The following NUDT19 variants were observed in gnomAD, a reference collection of about 807,000 sequenced individuals.
NUDT19 encodes acyl-coenzyme A diphosphatase NUDT19.
Under a neutral mutation model 22.2 loss-of-function variants are expected in NUDT19, and 31 were observed. The observed-to-expected ratio is 1.40, with a 90% CI of 1.05 to 1.89. The LOEUF is 1.89. Ranked by LOEUF, NUDT19 falls within the 40% of genes most tolerant of loss-of-function variation. The pLI is 0.00. For missense variants in NUDT19, 752 were observed against 514.2 expected, an observed-to-expected ratio of 1.46 and a Z score of -4.47; for synonymous variants, 325 against 230.8, an observed-to-expected ratio of 1.41 and a Z score of -3.70.
chr19:32,692,767 G>C lies in NUDT19; in HGVS notation c.714+93G>C, dbSNP rs564192770. 61 of 921,042 alleles carry C rather than the reference G, an allele frequency of 6.6e-5. No homozygotes were observed. The African/African-American group carries it at 9.0e-4, about 14-fold the overall frequency. 57.1% of individuals were successfully genotyped at this position (921,042 alleles called of 1,614,324 possible). ...CAGGCCCCCAAGGGACCCCCGCATAGGCCAAGCCCAGAGAGATTAAGCAGC... is the reference window on the plus strand; with the variant it reads ...CAGGCCCCCAAGGGACCCCCGCATACGCCAAGCCCAGAGAGATTAAGCAGC... On this transcript the variant is annotated intron_variant, in intron 1 of 2. Coordinates refer to ENST00000397061, the MANE Select transcript of NUDT19 (RefSeq NM_001105570.2).
Position 32,711,905 on chromosome 19 carries a change from A to C in NUDT19, c.1076A>C (p.Lys359Thr). Residue 359 changes from lysine to threonine, a missense_variant, in exon 3 of 3, where the codon AAG becomes ACG. Lys to Thr is a moderately conservative substitution (Grantham distance 78, BLOSUM62 -1). Transcript: ENST00000397061. Reference sequence around the variant, plus strand: ...GATATCCACGTGACTGTTCAGCCAAAGTATAAACACGTTTATCCTAAGAAC... The same window carrying C: ...GATATCCACGTGACTGTTCAGCCAACGTATAAACACGTTTATCCTAAGAAC... Reference protein sequence around the residue: ...LYDIHVTVQPKYKHVYPKNSV... With the variant: ...LYDIHVTVQPTYKHVYPKNSV... The C allele has an allele frequency of 6.2e-7, 1 of 1,614,098 alleles. No homozygotes were observed. Among genetic ancestry groups the C allele is most frequent in the Non-Finnish European group, 8.5e-7 (1 of 1,179,994 alleles).
chr19:32,703,401 T>G (rs1313495714), intron 1 of NUDT19, among the ~76,000 whole-genome samples: 1 of 152,126 alleles, frequency 6.6e-6, no homozygotes, highest in Non-Finnish European at 1.5e-5. Context: ...CAGGCTGCAG[T>G]GCAATGGTGC....
At chr19:32,694,747 G>A (rs1168999439) in intron 1 of NUDT19, among the ~76,000 whole-genome samples, 21 of 152,250 alleles carry the variant, frequency 1.4e-4, no homozygotes, top group Admixed American at 1.1e-3. Flanking sequence ...ATAAGACCTC[G>A]TTCAGTCCAT....
At chr19:32,711,691 T>C (rs1036161639) in intron 2 of NUDT19, 61 bp from the exon 3 acceptor site, 2 of 942,232 alleles carry the variant, frequency 2.1e-6, no homozygotes, top group Non-Finnish European at 1.6e-6. Flanking sequence ...TTTTATACTT[T>C]CTGCCATGGT....
chr19:32,708,471 T>C (rs1303091527), intron 1 of NUDT19, among the ~76,000 whole-genome samples: 1 of 151,924 alleles, frequency 6.6e-6, no homozygotes, highest in African/African-American at 2.4e-5. Flanking sequence ...TCCATATCCA[T>C]TGAATCAGCT....
rs768160874 is a variant in NUDT19 at position 32,692,136 on chromosome 19, C to T, written c.176C>T (p.Ala59Val). 4.0e-6 allele frequency: 6 copies of T among 1,484,330 alleles called. No homozygotes were observed. In the African/African-American group the frequency reaches 4.4e-5, roughly 11 times the overall value. The allele number at this position is 1,484,330 out of a possible 1,614,324, so 91.9% of individuals were successfully genotyped here. Residue 59 changes from alanine (A) to valine (V), a missense_variant, in exon 1 of 3, where the codon GCG (alanine) becomes GTG (valine). By Grantham distance (64) the Ala-to-Val change is moderately conservative. Coordinates refer to ENST00000397061, the MANE Select transcript of NUDT19 (RefSeq NM_001105570.2). ...RSPHQGFMPGAHVFSGGVLDA... is the reference protein window; with the variant it reads ...RSPHQGFMPGVHVFSGGVLDA... ...CCGCACCAAGGCTTCATGCCGGGCG[C>T]GCACGTCTTCTCCGGCGGAGTGCTG...
chr19:32,692,082 G>A lies in NUDT19; in HGVS notation c.122G>A (p.Gly41Asp). ...TPPSRPPPAEGFRLLLLQRSP... is the reference protein window; with the variant it reads ...TPPSRPPPAEDFRLLLLQRSP... ...CCGTCGCGCCCGCCGCCGGCCGAGG[G>A]CTTCCGGCTGCTGCTGCTGCAGCGC... Residue 41 changes from glycine (G) to aspartate (D), a missense_variant, in exon 1 of 3, where the codon GGC (glycine) becomes GAC (aspartate). Transcript: ENST00000397061. 3 of 1,339,744 alleles carry A rather than the reference G, an allele frequency of 2.2e-6. No individual in the cohort carries two copies. In the South Asian group the frequency reaches 5.9e-5, roughly 26 times the overall value. 83.0% of individuals were successfully genotyped at this position (1,339,744 alleles called of 1,614,324 possible).
intron 1 of NUDT19, among the ~76,000 whole-genome samples, chr19:32,698,348 G>T (rs149305847): frequency 0.017 from 2,517 of 152,216 alleles, 62 homozygotes; most frequent in African/African-American, 0.058. Flanking sequence ...GGTCCCAGTG[G>T]CTTAGGATGC....
chr19:32,709,204 C>A lies in NUDT19; in HGVS notation c.734C>A (p.Ala245Glu), dbSNP rs750429971. The A allele has an allele frequency of 1.4e-5, 22 of 1,612,928 alleles. No individual in the cohort carries two copies. In the East Asian group the frequency reaches 4.2e-4, roughly 31 times the overall value. The change falls in exon 2 of 3, where the codon GCA becomes GAA. Residue 245 changes from alanine to glutamate, a missense_variant. Coordinates refer to ENST00000397061, the MANE Select transcript of NUDT19 (RefSeq NM_001105570.2). ...TCACAGTGGTCATCTCCATCAGAGG[C>A]AACTGAAAGTTTCTTATCAAAAGAA... ...VGYQWSSPSE[A>E]TESFLSKEIW...
intron 1 of NUDT19, among the ~76,000 whole-genome samples, chr19:32,698,953 C>T (rs1315351410): frequency 6.6e-6 from 1 of 152,168 alleles, no homozygotes; most frequent in Non-Finnish European, 1.5e-5. Context: ...GGGAAGGGAT[C>T]TCCAGAGTTG....
At position 32,710,099 on chromosome 19, in the gene NUDT19, C is replaced by T. The variant is rs112813699; in HGVS notation, c.922+707C>T. On this transcript the variant is annotated intron_variant, in intron 2 of 2. Transcript: ENST00000397061. ...CAATCTGGGCTCACTGCAACCTTTGCCTCCTGGGTTCAAGCGATACTTCTG... is the reference window on the plus strand; with the variant it reads ...CAATCTGGGCTCACTGCAACCTTTGTCTCCTGGGTTCAAGCGATACTTCTG... Among the ~76,000 whole-genome samples, 23 of 151,976 alleles carry T rather than the reference C, an allele frequency of 1.5e-4. 1 individual carries two copies. The highest frequency in any genetic ancestry group is 5.3e-4 in the African/African-American group (22 of 41,440).
chr19:32,711,147 G>T (rs1048413024), intron 2 of NUDT19, among the ~76,000 whole-genome samples: 1 of 151,894 alleles, frequency 6.6e-6, no homozygotes, highest in Non-Finnish European at 1.5e-5. Flanking sequence ...TCTTGGCTGG[G>T]GTGTTGTAAG....
rs780901263 is a variant in NUDT19 at position 32,692,308 on chromosome 19, G to A, written c.348G>A (p.Gly116=). ...ATGACCACAAGACCGACAACACTGGGACGCTGCCTGAGGACGTAGCCTTCC... is the reference window on the plus strand; with the variant it reads ...ATGACCACAAGACCGACAACACTGGAACGCTGCCTGAGGACGTAGCCTTCC... ...DTDDHKTDNT[G]TLPEDVAFRI... Residue 116 remains glycine, a synonymous_variant, in exon 1 of 3, where the codon GGG becomes GGA. Coordinates refer to ENST00000397061, the MANE Select transcript of NUDT19 (RefSeq NM_001105570.2). 1 of 1,593,078 alleles carries A rather than the reference G, an allele frequency of 6.3e-7. No homozygotes were observed. Among genetic ancestry groups the A allele is most frequent in the Non-Finnish European group, 8.5e-7 (1 of 1,177,720 alleles).
chr19:32,697,325 T>G (rs1238330912), intron 1 of NUDT19, among the ~76,000 whole-genome samples: 1 of 152,184 alleles, frequency 6.6e-6, no homozygotes, highest in Non-Finnish European at 1.5e-5. Flanking sequence ...TCTCCTGATA[T>G]CCACAGATGA....
intron 2 of NUDT19, 77 bp from the exon 3 acceptor site, chr19:32,711,675 T>G: frequency 1.2e-6 from 1 of 803,642 alleles, no homozygotes; most frequent in Non-Finnish European, 2.0e-6. Flanking sequence ...CTCGATGGAA[T>G]TAAAATTTTA....
At chr19:32,707,895 A>G (rs1032938311) in intron 1 of NUDT19, among the ~76,000 whole-genome samples, 14 of 150,542 alleles carry the variant, frequency 9.3e-5, no homozygotes, top group Admixed American at 6.6e-4. Context: ...GGAGAATGGC[A>G]TGAACCCAGG....
In NUDT19 at chr19:32,692,224, C is replaced by T. The variant is rs1968194642; in HGVS notation, c.264C>T (p.Arg88=). The T allele has an allele frequency of 1.3e-6, 2 of 1,585,282 alleles. No homozygotes were observed. The highest frequency in any genetic ancestry group is 8.5e-7 in the Non-Finnish European group (1 of 1,174,538). Residue 88 remains arginine, a synonymous_variant, in exon 1 of 3, where the codon CGC becomes CGT. Transcript: ENST00000397061. ...GLFAPHHGPP[R]FGLGPAPFSR... ...TCGCGCCGCACCACGGGCCGCCGCG[C>T]TTCGGCCTGGGCCCGGCGCCATTCA...
chr19:32,696,347 C>A (rs1968263241), intron 1 of NUDT19, among the ~76,000 whole-genome samples: 1 of 151,978 alleles, frequency 6.6e-6, no homozygotes, highest in Admixed American at 6.6e-5. Flanking sequence ...CCACAACTAC[C>A]CCTAAACAGT....
intron 1 of NUDT19, among the ~76,000 whole-genome samples, chr19:32,693,139 T>G (rs932963511): frequency 1.3e-5 from 2 of 152,234 alleles, no homozygotes; most frequent in South Asian, 4.1e-4. Flanking sequence ...AGTGGGTTCT[T>G]GGTCTCGCTG....
Sources: allele counts gnomAD v4.1 joint callset (sites outside exome capture counted in the v4.1 genomes callset), GRCh38; gene constraint gnomAD v4.1.1; transcripts MANE v1.5; gene names NCBI Gene and HGNC (gene_info 2026-07-23, HGNC 2026-07-21).